The following CLVS1 variants were observed in gnomAD, a reference collection of about 807,000 sequenced individuals.
The protein encoded by CLVS1 is clavesin-1.
In CLVS1, 10 loss-of-function variants were observed where a neutral mutation model predicts 33.1. The observed-to-expected ratio is 0.30, with a 90% CI of 0.19 to 0.51. The LOEUF (loss-of-function observed/expected upper bound fraction) is 0.51. CLVS1 is among the 20% of genes least tolerant of loss of function. The pLI is 0.97. For missense variants in CLVS1, 343 were observed against 433.4 expected (o/e 0.79, Z 1.85); for synonymous variants, 163 against 166.1 (o/e 0.98, Z 0.14).
intron 2 of CLVS1, among the ~76,000 whole-genome samples, chr8:61,349,665 G>A (rs528232862): frequency 6.6e-6 from 1 of 151,998 alleles, no homozygotes; most frequent in East Asian, 1.9e-4. Context: ...TTTCTGTTTG[G>A]AATCAGTAAG....
At chr8:61,400,166 G>A (rs1331348845) in intron 3 of CLVS1, among the ~76,000 whole-genome samples, 1 of 152,188 alleles carries the variant, frequency 6.6e-6, no homozygotes, top group East Asian at 1.9e-4. Context: ...CTATCCATGA[G>A]CATGGAATGT....
intron 2 of CLVS1, among the ~76,000 whole-genome samples, chr8:61,212,963 G>A (rs1436190801): frequency 6.6e-6 from 1 of 152,028 alleles, no homozygotes; most frequent in Non-Finnish European, 1.5e-5. Context: ...GATTAATTAA[G>A]GATCTGACCA....
chr8:61,232,346 T>G (rs1808466403), intron 2 of CLVS1, among the ~76,000 whole-genome samples: 1 of 151,964 alleles, frequency 6.6e-6, no homozygotes, highest in Non-Finnish European at 1.5e-5. Flanking sequence ...GAGGAAAGTT[T>G]TAGGATAGTG....
At chr8:61,365,866 C>A (rs2129600526) in intron 2 of CLVS1, among the ~76,000 whole-genome samples, 1 of 152,078 alleles carries the variant, frequency 6.6e-6, no homozygotes, top group Non-Finnish European at 1.5e-5. Context: ...GACCTACTGC[C>A]TGCTTTTGGT....
At chr8:61,406,021 G>A (rs995609366) in intron 3 of CLVS1, among the ~76,000 whole-genome samples, 4 of 152,138 alleles carry the variant, frequency 2.6e-5, no homozygotes, top group African/African-American at 9.7e-5. Context: ...TGCCTGACAT[G>A]TATTAACAAA....
intron 2 of CLVS1, among the ~76,000 whole-genome samples, chr8:61,267,274 A>G (rs1809328085): frequency 6.6e-6 from 1 of 151,982 alleles, no homozygotes. Context: ...GGGTATTATT[A>G]TTATTATTTT....
intron 2 of CLVS1, chr8:61,274,088 A>C (rs1809518635): frequency 6.6e-6 from 1 of 152,226 alleles, no homozygotes; most frequent in South Asian, 2.1e-4. Flanking sequence ...AGAAATGGCT[A>C]ATTATTCTGG....
chr8:61,174,246 A>G (rs1807067387), intron 2 of CLVS1, among the ~76,000 whole-genome samples: 1 of 152,196 alleles, frequency 6.6e-6, no homozygotes, highest in African/African-American at 2.4e-5. Flanking sequence ...GGTCAAATCA[A>G]TGAAAACTGT....
chr8:61,238,967 A>G (rs183453034), intron 2 of CLVS1, among the ~76,000 whole-genome samples: 1 of 152,350 alleles, frequency 6.6e-6, no homozygotes, highest in Admixed American at 6.5e-5. Context: ...CATTCTGCCA[A>G]GTTTCTTTCA....
intron 1 of CLVS1, among the ~76,000 whole-genome samples, chr8:61,071,624 G>A (rs1804798170): frequency 6.6e-6 from 1 of 152,190 alleles, no homozygotes; most frequent in African/African-American, 2.4e-5. Flanking sequence ...TTCTGCAGAT[G>A]AGCATATGGA....
intron 2 of CLVS1, among the ~76,000 whole-genome samples, chr8:61,371,560 C>G (rs1209377234): frequency 6.6e-6 from 1 of 152,202 alleles, no homozygotes; most frequent in Non-Finnish European, 1.5e-5. Flanking sequence ...TCTCCTTCAA[C>G]TCCATCATAT....
chr8:61,359,771 A>T (rs1347723291), intron 2 of CLVS1, among the ~76,000 whole-genome samples: 1 of 152,216 alleles, frequency 6.6e-6, no homozygotes, highest in Non-Finnish European at 1.5e-5. Context: ...GTTTAAGTGT[A>T]TATAGTTAAC....
intron 1 of CLVS1, among the ~76,000 whole-genome samples, chr8:61,289,499 ATT>A (rs1043658302): frequency 1.2e-4 from 19 of 152,318 alleles, no homozygotes; most frequent in African/African-American, 4.6e-4. Flanking sequence ...CATTTAATTG[ATT>A]TTTACTGAAC....
chr8:61,038,954 AT>A, the CLVS1 span, among the ~76,000 whole-genome samples: 208 of 151,516 alleles, frequency 1.4e-3, no homozygotes, highest in African/African-American at 4.2e-3. Context: ...TGTCACCCAC[AT>A]TTTTTTTTAT....
chr8:61,485,260 C>G (rs999283212), intron 5 of CLVS1, among the ~76,000 whole-genome samples: 1 of 152,118 alleles, frequency 6.6e-6, no homozygotes, highest in Non-Finnish European at 1.5e-5. Flanking sequence ...AAAAAACAAA[C>G]AACCCCATCA....
At chr8:61,135,647 T>A (rs1409693804) in intron 2 of CLVS1, among the ~76,000 whole-genome samples, 1 of 152,192 alleles carries the variant, frequency 6.6e-6, no homozygotes, top group African/African-American at 2.4e-5. Context: ...GACACCTCAC[T>A]TCTGGAACCA....
chr8:61,281,807 C>T (rs1208018566), intron 2 of CLVS1, among the ~76,000 whole-genome samples: 1 of 152,178 alleles, frequency 6.6e-6, no homozygotes, highest in Admixed American at 6.5e-5. Flanking sequence ...CCTTCTGACT[C>T]GAGATCATTT....
At chr8:61,215,855 C>T (rs1217584157) in intron 2 of CLVS1, among the ~76,000 whole-genome samples, 1 of 152,120 alleles carries the variant, frequency 6.6e-6, no homozygotes, top group Non-Finnish European at 1.5e-5. Context: ...ACTCAGGAAG[C>T]TGACCTTGGG....
chr8:61,207,292 C>T (rs1270442931), intron 2 of CLVS1, among the ~76,000 whole-genome samples: 9 of 55,204 alleles, frequency 1.6e-4, no homozygotes, highest in African/African-American at 1.3e-3. Flanking sequence ...CAGAGATGCA[C>T]GGGCTCCAGT....
Sources: gnomAD v4.1 joint callset for allele counts (sites outside exome capture counted in the v4.1 genomes callset) on GRCh38, gnomAD v4.1.1 for gene constraint, MANE v1.5 for transcripts, NCBI Gene and HGNC (gene_info 2026-07-23, HGNC 2026-07-21) for gene names.